The following CTNNA2 variants were observed in gnomAD, a reference collection of about 807,000 sequenced individuals.
CTNNA2 encodes the protein catenin alpha 2, also known as catenin alpha-2.
Under a neutral mutation model 101.0 loss-of-function variants are expected in CTNNA2, and 42 were observed. The ratio of observed to expected loss-of-function variants is 0.42; its 90% CI spans 0.32 to 0.54. The LOEUF is 0.54. Among genes scored for constraint, CTNNA2 ranks in the 20% least tolerant of loss-of-function variants. The probability of loss-of-function intolerance (pLI) is 0.14; values close to 1 mark genes in which losing one functional copy is unlikely to be tolerated. For synonymous variants in CTNNA2, 450 were observed against 456.4 expected (o/e 0.99, Z 0.18); for missense variants, 871 against 1,223.1 (o/e 0.71, Z 4.29).
In CTNNA2 at chr2:79,770,129, G is replaced by T. The variant is rs145171924; in HGVS notation, c.298+25547G>T. 4.6e-3 allele frequency among the ~76,000 whole-genome samples: 699 copies of T among 152,242 alleles called. 6 individuals carry two copies. Among genetic ancestry groups the T allele is most frequent in the African/African-American group, 0.016 (676 of 41,530 alleles). ...AGTTGGGGAGTGCTTCTACCATCTA[G>T]GGGGTAGAAGTCAGGGATACTGCTA... On this transcript the variant is annotated intron_variant, in intron 3 of 18. Coordinates refer to ENST00000402739, the MANE Select transcript of CTNNA2 (RefSeq NM_001282597.3).
intron 7 of CTNNA2, among the ~76,000 whole-genome samples, chr2:80,249,358 G>T (rs1024658536): frequency 2.6e-5 from 4 of 152,140 alleles, no homozygotes; most frequent in Non-Finnish European, 5.9e-5. Context: ...CCAGGATTCA[G>T]GCCTCCTTAC....
intron 2 of CTNNA2, among the ~76,000 whole-genome samples, chr2:79,265,782 G>A (rs1160316183): frequency 6.6e-6 from 1 of 152,154 alleles, no homozygotes; most frequent in East Asian, 1.9e-4. Flanking sequence ...AGCATTGTAA[G>A]TCAGAGAGAT....
At chr2:79,733,514 G>T (rs892333267) in intron 2 of CTNNA2, among the ~76,000 whole-genome samples, 1 of 151,896 alleles carries the variant, frequency 6.6e-6, no homozygotes, top group Non-Finnish European at 1.5e-5. Context: ...AAGTGTGTGT[G>T]AAAACTAGAA....
intron 2 of CTNNA2, among the ~76,000 whole-genome samples, chr2:79,697,618 A>G (rs1406624897): frequency 6.6e-6 from 1 of 152,062 alleles, no homozygotes; most frequent in African/African-American, 2.4e-5. Flanking sequence ...CCAAACTGTG[A>G]GGCCAGGTAT....
chr2:80,225,191 C>T (rs922495335), intron 7 of CTNNA2, among the ~76,000 whole-genome samples: 1 of 152,142 alleles, frequency 6.6e-6, no homozygotes, highest in Admixed American at 6.6e-5. Context: ...AGCAGGTTCA[C>T]TCTCAGAGCT....
At chr2:79,793,888 G>GCACACACACACACACACACA (rs71385299) in intron 3 of CTNNA2, among the ~76,000 whole-genome samples, 1 of 142,624 alleles carries the variant, frequency 7.0e-6, no homozygotes, top group African/African-American at 2.6e-5. Context: ...ACACACTCAT[G>GCACACACACACACACACACA]CACACACACA....
intron 2 of CTNNA2, among the ~76,000 whole-genome samples, chr2:79,291,968 C>T (rs1014539428): frequency 6.6e-6 from 1 of 151,858 alleles, no homozygotes. Flanking sequence ...TTTGCAAGCC[C>T]CTGGAGCAAT....
At chr2:79,683,864 T>G (rs1170481357) in intron 2 of CTNNA2, among the ~76,000 whole-genome samples, 1 of 151,994 alleles carries the variant, frequency 6.6e-6, no homozygotes, top group Non-Finnish European at 1.5e-5. Context: ...GCACTTGGAG[T>G]CTTTGTGTTC....
At chr2:80,399,280 G>A (rs1678339177) in intron 8 of CTNNA2, among the ~76,000 whole-genome samples, 1 of 152,098 alleles carries the variant, frequency 6.6e-6, no homozygotes, top group South Asian at 2.1e-4. Flanking sequence ...CTGGAAAATA[G>A]TCATTAGGCC....
intron 7 of CTNNA2, among the ~76,000 whole-genome samples, chr2:80,346,246 A>G (rs1672723444): frequency 6.6e-6 from 1 of 152,216 alleles, no homozygotes; most frequent in South Asian, 2.1e-4. Context: ...GTTTAATTGG[A>G]TCATGGTTCT....
At chr2:79,486,536 C>T (rs981551983) in intron 4 of CTNNA2, among the ~76,000 whole-genome samples, 2 of 152,116 alleles carry the variant, frequency 1.3e-5, no homozygotes, top group Non-Finnish European at 2.9e-5. Flanking sequence ...AATAAACATA[C>T]GTGGGCATGT....
chr2:79,409,904 G>T (rs75689697), intron 4 of CTNNA2, among the ~76,000 whole-genome samples: 16 of 151,844 alleles, frequency 1.1e-4, no homozygotes, highest in Non-Finnish European at 4.4e-5. Context: ...TATGGCCATT[G>T]TCACAATATT....
chr2:79,511,944 G>A (rs1173179242), upstream of CTNNA2, among the ~76,000 whole-genome samples: 3 of 152,164 alleles, frequency 2.0e-5, no homozygotes, highest in East Asian at 5.8e-4. Context: ...CTTAGCGTCG[G>A]TTGTGTCATA....
chr2:80,028,320 C>T (rs1695073005), intron 7 of CTNNA2: 1 of 152,246 alleles, frequency 6.6e-6, no homozygotes, highest in Non-Finnish European at 1.5e-5. Context: ...AGGTGGAACG[C>T]AGTCTCCTCC....
intron 1 of CTNNA2, among the ~76,000 whole-genome samples, chr2:79,566,030 A>G (rs1399019309): frequency 1.3e-5 from 2 of 152,104 alleles, no homozygotes; most frequent in Non-Finnish European, 2.9e-5. Flanking sequence ...GCAGTGAACC[A>G]GGTGAGTGGG....
intron 9 of CTNNA2, among the ~76,000 whole-genome samples, chr2:80,491,001 A>C (rs1687019991): frequency 6.6e-6 from 1 of 152,208 alleles, no homozygotes; most frequent in African/African-American, 2.4e-5. Flanking sequence ...TCTGAAGTCT[A>C]GTGCTTTATC....
At chr2:80,261,172 C>A (rs1672576807) in intron 7 of CTNNA2, among the ~76,000 whole-genome samples, 1 of 152,200 alleles carries the variant, frequency 6.6e-6, no homozygotes, top group Non-Finnish European at 1.5e-5. Context: ...TGGCTCTCCT[C>A]AGATGACACA....
intron 8 of CTNNA2, among the ~76,000 whole-genome samples, chr2:80,396,802 C>T (rs1678057407): frequency 6.6e-6 from 1 of 152,154 alleles, no homozygotes; most frequent in Admixed American, 6.5e-5. Flanking sequence ...CTTTCACTCC[C>T]CAAACAAATC....
At chr2:80,437,070 C>T (rs1251598164) in intron 9 of CTNNA2, among the ~76,000 whole-genome samples, 2 of 152,146 alleles carry the variant, frequency 1.3e-5, no homozygotes, top group South Asian at 4.1e-4. Context: ...CTCTTAGGCA[C>T]CTTCTGTGAG....
Sources: allele counts gnomAD v4.1 joint callset (sites outside exome capture counted in the v4.1 genomes callset), GRCh38; gene constraint gnomAD v4.1.1; transcripts MANE v1.5; gene names NCBI Gene and HGNC (gene_info 2026-07-23, HGNC 2026-07-21).